HMGN5: variants seen among roughly 807,000 people sequenced by gnomAD.
HMGN5 encodes the protein high mobility group nucleosome-binding domain-containing protein 5.
HMGN5 carries 4 observed loss-of-function variants against 9.5 expected under a neutral mutation model. The observed-to-expected ratio is 0.42, with a 90% CI of 0.21 to 0.96. HMGN5 has a LOEUF of 0.96. HMGN5 is among the 40% of genes least tolerant of loss of function. The pLI, the probability that HMGN5 is intolerant of heterozygous loss-of-function variation, is 0.30. For missense variants in HMGN5, 192 were observed against 187.5 expected (o/e 1.02, Z -0.14); for synonymous variants, 55 against 57.1 (o/e 0.96, Z 0.16).
intron 1 of HMGN5, among the ~76,000 whole-genome samples, chrX:81,139,614 A>G (rs2075322206): frequency 8.9e-6 from 1 of 112,034 alleles, no homozygotes; most frequent in Non-Finnish European, 1.9e-5. Context: ...AGCAGTCTCG[A>G]ATCGCTAATA....
chrX:81,135,453 A>G (rs1265492194), intron 1 of HMGN5, among the ~76,000 whole-genome samples: 3 of 111,975 alleles, frequency 2.7e-5, no homozygotes, highest in Admixed American at 1.9e-4. Flanking sequence ...ATGTCCACCA[A>G]TGGATAAATG....
intron 1 of HMGN5, among the ~76,000 whole-genome samples, chrX:81,147,361 T>G (rs1313585434): frequency 8.9e-6 from 1 of 111,929 alleles, no homozygotes; most frequent in Non-Finnish European, 1.9e-5. Flanking sequence ...TCAATAAACA[T>G]AATCCATCAC....
chrX:81,184,558 A>ATTT (rs200858929), intron 1 of HMGN5, among the ~76,000 whole-genome samples: 26 of 100,980 alleles, frequency 2.6e-4, no homozygotes, highest in African/African-American at 9.3e-4. Context: ...CATTTTATTG[A>ATTT]TTTTTTTTTT....
intron 1 of HMGN5, among the ~76,000 whole-genome samples, chrX:81,150,080 C>T (rs768093959): frequency 2.4e-4 from 27 of 112,247 alleles, no homozygotes; most frequent in African/African-American, 8.4e-4. Context: ...ATTTACAGAA[C>T]ACTTCATTCA....
At chrX:81,124,051 A>G (rs977324033) in intron 1 of HMGN5, among the ~76,000 whole-genome samples, 2 of 112,573 alleles carry the variant, frequency 1.8e-5, no homozygotes, top group African/African-American at 3.2e-5. Context: ...GAAGCAAAGC[A>G]TAATGTGCAG....
At chrX:81,148,460 C>T (rs1023718253) in intron 1 of HMGN5, among the ~76,000 whole-genome samples, 8 of 111,731 alleles carry the variant, frequency 7.2e-5, no homozygotes, top group South Asian at 3.7e-4. Context: ...CCCTTCCTTA[C>T]GCCTTATACA....
At chrX:81,180,934 C>T (rs767882190) in intron 1 of HMGN5, among the ~76,000 whole-genome samples, 5 of 110,908 alleles carry the variant, frequency 4.5e-5, no homozygotes, top group Non-Finnish European at 9.4e-5. Context: ...TCATTCTCAG[C>T]AAACTATCAC....
rs1324413847 is a variant in HMGN5 at position 81,125,494 on chromosome X, G to C, written c.-123-3822C>G. On this transcript the variant is annotated intron_variant, in intron 1 of 6. Transcript: ENST00000358130. Reference sequence around the variant, plus strand: ...AGCTGAGACTGACTCTGGAAAAACTGTAATTCTGGTGACCCAAATCTTCCT... The same window carrying C: ...AGCTGAGACTGACTCTGGAAAAACTCTAATTCTGGTGACCCAAATCTTCCT... Among the ~76,000 whole-genome samples, 8 of 111,313 alleles carry C rather than the reference G, an allele frequency of 7.2e-5. No homozygotes were observed. The Admixed American group carries it at 7.7e-4, about 11-fold the overall frequency.
chrX:81,129,350 C>CTT (rs5902814), intron 1 of HMGN5, among the ~76,000 whole-genome samples: 2 of 110,543 alleles, frequency 1.8e-5, no homozygotes, highest in South Asian at 7.7e-4. Context: ...ATTGAAATGG[C>CTT]TTTTTTTGAT....
At chrX:81,191,997 T>G (rs909181263) in intron 1 of HMGN5, among the ~76,000 whole-genome samples, 1 of 111,411 alleles carries the variant, frequency 9.0e-6, no homozygotes, top group South Asian at 3.8e-4. Context: ...ATAAGTAAAG[T>G]GTTGTTTCAT....
chrX:81,163,073 T>C (rs960068050), intron 1 of HMGN5, among the ~76,000 whole-genome samples: 2 of 111,652 alleles, frequency 1.8e-5, no homozygotes, highest in African/African-American at 6.5e-5. Flanking sequence ...TCCATGACTC[T>C]TTGGAAACTT....
chrX:81,137,670 G>A (rs57348071), intron 1 of HMGN5, among the ~76,000 whole-genome samples: 1,445 of 111,178 alleles, frequency 0.013, 21 homozygotes, highest in African/African-American at 0.044. Context: ...CAAACACAAA[G>A]CATGCAGAAA....
intron 1 of HMGN5, among the ~76,000 whole-genome samples, chrX:81,148,143 A>G (rs1416659554): frequency 8.9e-6 from 1 of 112,144 alleles, no homozygotes; most frequent in Non-Finnish European, 1.9e-5. Context: ...TTGAACTTTC[A>G]TATGGAACCA....
intron 1 of HMGN5, among the ~76,000 whole-genome samples, chrX:81,179,997 C>T (rs1359673560): frequency 9.0e-6 from 1 of 111,450 alleles, no homozygotes; most frequent in Non-Finnish European, 1.9e-5. Flanking sequence ...ACTGGCTAGC[C>T]ATATGTAGAA....
intron 1 of HMGN5, among the ~76,000 whole-genome samples, chrX:81,188,611 C>T (rs1042939797): frequency 1.0e-4 from 11 of 109,607 alleles, no homozygotes; most frequent in African/African-American, 2.0e-4. Flanking sequence ...TATCTCCTAA[C>T]GCTATCCCTC....
rs764398435 is a variant in HMGN5 at position 81,119,029 on chromosome X, A to T, written c.46-270T>A. The stretch of plus-strand genomic sequence containing the variant: ...GTAACAAGGAGCACATTTAGAAATG[A>T]AAATATAGCCTTTTCTTGCCAAATG... On this transcript the variant is annotated intron_variant, in intron 3 of 6. Coordinates refer to ENST00000358130, the MANE Select transcript of HMGN5 (RefSeq NM_030763.3). 9.8e-5 allele frequency among the ~76,000 whole-genome samples: 11 copies of T among 112,106 alleles called. No individual in the cohort carries two copies. The South Asian group carries it at 4.0e-3, about 41-fold the overall frequency.
At chrX:81,121,887 C>A (rs2075270014) in intron 1 of HMGN5, among the ~76,000 whole-genome samples, 1 of 112,527 alleles carries the variant, frequency 8.9e-6, no homozygotes, top group African/African-American at 3.2e-5. Context: ...TGGCGGAGCA[C>A]GCGAACTTAG....
chrX:81,131,866 C>T (rs2075298403), intron 1 of HMGN5, among the ~76,000 whole-genome samples: 1 of 110,862 alleles, frequency 9.0e-6, no homozygotes, highest in Non-Finnish European at 1.9e-5. Flanking sequence ...CTGGCCAAGG[C>T]AATCAGGCAA....
chrX:81,200,329 T>C (rs1371216312), intron 1 of HMGN5, among the ~76,000 whole-genome samples: 1 of 112,066 alleles, frequency 8.9e-6, no homozygotes, highest in Non-Finnish European at 1.9e-5. Context: ...AGACTAGAAA[T>C]GTCATTTGAC....
Sources: allele counts gnomAD v4.1 joint callset (sites outside exome capture counted in the v4.1 genomes callset), GRCh38; gene constraint gnomAD v4.1.1; transcripts MANE v1.5; gene names NCBI Gene and HGNC (gene_info 2026-07-23, HGNC 2026-07-21).